The following ABTB3 variants were observed in gnomAD, a reference collection of about 807,000 sequenced individuals.
ABTB3 encodes the protein ankyrin repeat- and BTB/POZ domain-containing protein 3.
At chr12:107,494,470 GC>G in the ABTB3 span, among the ~76,000 whole-genome samples, 35 of 152,276 alleles carry the variant, frequency 2.3e-4, no homozygotes, top group African/African-American at 8.4e-4. Context: ...AAAGGCCAGG[GC>G]TGTTTTGCAC....
chr12:107,508,444 T>TTTTTTTTTTTTTTTTG, the ABTB3 span, among the ~76,000 whole-genome samples: 1 of 76,884 alleles, frequency 1.3e-5, no homozygotes, highest in African/African-American at 5.7e-5. Flanking sequence ...ATTTCTTTTT[T>TTTTTTTTTTTTTTTTG]TTTTTTTTTT....
chr12:107,465,737 C>T, the ABTB3 span, among the ~76,000 whole-genome samples: 4 of 152,176 alleles, frequency 2.6e-5, no homozygotes, highest in African/African-American at 4.8e-5. Flanking sequence ...ACCTCAGGGG[C>T]CTGGCTCATC....
chr12:107,608,893 TAAATAAAATA>T, the ABTB3 span, among the ~76,000 whole-genome samples: 189 of 84,260 alleles, frequency 2.2e-3, 2 homozygotes, highest in East Asian at 5.3e-3. Flanking sequence ...TAAAATAAAA[TAAATAAAATA>T]AAATAAAATA....
At chr12:107,473,115 C>A in the ABTB3 span, among the ~76,000 whole-genome samples, 1 of 152,156 alleles carries the variant, frequency 6.6e-6, no homozygotes, top group Admixed American at 6.5e-5. Flanking sequence ...GCACCTTTTT[C>A]TCTTTTCATT....
chr12:107,413,570 C>T, the ABTB3 span, among the ~76,000 whole-genome samples: 1 of 152,074 alleles, frequency 6.6e-6, no homozygotes, highest in African/African-American at 2.4e-5. Context: ...TAACATTGTT[C>T]TGTAGAACAC....
At chr12:107,652,181 T>C in the ABTB3 span, among the ~76,000 whole-genome samples, 1 of 152,186 alleles carries the variant, frequency 6.6e-6, no homozygotes, top group Non-Finnish European at 1.5e-5. Flanking sequence ...GGCTGTCCAA[T>C]CCAGCAACAT....
chr12:107,496,711 C>A, the ABTB3 span, among the ~76,000 whole-genome samples: 2 of 152,202 alleles, frequency 1.3e-5, no homozygotes, highest in Admixed American at 1.3e-4. Context: ...CCAACTCATA[C>A]AATCCTCACC....
At chr12:107,511,379 T>C in the ABTB3 span, among the ~76,000 whole-genome samples, 2 of 152,222 alleles carry the variant, frequency 1.3e-5, no homozygotes, top group Admixed American at 6.5e-5. Flanking sequence ...TGCTCAGTGC[T>C]CTGTAGGTCA....
chr12:107,498,434 A>G, the ABTB3 span, among the ~76,000 whole-genome samples: 1 of 152,300 alleles, frequency 6.6e-6, no homozygotes, highest in South Asian at 2.1e-4. Context: ...CTACTGCTAG[A>G]ACTCACTACT....
At chr12:107,468,798 A>AGCAG in the ABTB3 span, among the ~76,000 whole-genome samples, 1 of 152,160 alleles carries the variant, frequency 6.6e-6, no homozygotes, top group Non-Finnish European at 1.5e-5. Context: ...AAAAAAATGG[A>AGCAG]GCAGGATATA....
At chr12:107,415,733 CA>C in the ABTB3 span, among the ~76,000 whole-genome samples, 2 of 149,062 alleles carry the variant, frequency 1.3e-5, no homozygotes, top group Admixed American at 6.7e-5. Context: ...AACAAAAAAA[CA>C]AAAAAACAAA....
the ABTB3 span, among the ~76,000 whole-genome samples, chr12:107,448,546 C>T: frequency 6.6e-6 from 1 of 152,168 alleles, no homozygotes; most frequent in Non-Finnish European, 1.5e-5. Context: ...CTAAACCAAG[C>T]CCAAGGCATG....
chr12:107,622,018 A>C, the ABTB3 span, among the ~76,000 whole-genome samples: 2 of 152,040 alleles, frequency 1.3e-5, no homozygotes, highest in African/African-American at 4.8e-5. Context: ...AGGTGGGAGG[A>C]TTGCTTGAGC....
At chr12:107,377,921 A>G in the ABTB3 span, among the ~76,000 whole-genome samples, 2 of 152,234 alleles carry the variant, frequency 1.3e-5, no homozygotes, top group Non-Finnish European at 2.9e-5. Context: ...TAGTTTCCAG[A>G]AGGACCACAA....
chr12:107,512,771 A>G, the ABTB3 span, among the ~76,000 whole-genome samples: 1 of 152,242 alleles, frequency 6.6e-6, no homozygotes, highest in African/African-American at 2.4e-5. Context: ...TGCATTCCCT[A>G]TAAAGTAGAG....
At chr12:107,364,275 C>CATTTCTT in the ABTB3 span, among the ~76,000 whole-genome samples, 3 of 151,866 alleles carry the variant, frequency 2.0e-5, no homozygotes, top group Non-Finnish European at 4.4e-5. Context: ...CTCTCAAATA[C>CATTTCTT]TTTTCTTTTT....
At chr12:107,582,175 T>A in the ABTB3 span, among the ~76,000 whole-genome samples, 1 of 152,148 alleles carries the variant, frequency 6.6e-6, no homozygotes, top group Non-Finnish European at 1.5e-5. Flanking sequence ...CCCAGAGCTG[T>A]CCCTCAGCCC....
At chr12:107,353,257 T>A in the ABTB3 span, among the ~76,000 whole-genome samples, 924 of 151,966 alleles carry the variant, frequency 6.1e-3, 7 homozygotes, top group African/African-American at 0.021. Flanking sequence ...CCCAGCATGG[T>A]GGGGGGGAGA....
the ABTB3 span, among the ~76,000 whole-genome samples, chr12:107,622,482 C>CTT: frequency 4.0e-5 from 6 of 150,584 alleles, no homozygotes; most frequent in African/African-American, 1.5e-4. Flanking sequence ...AAACAAGTAT[C>CTT]TTTTTTTTTT....
Sources: gnomAD v4.1 joint callset for allele counts (sites outside exome capture counted in the v4.1 genomes callset) on GRCh38, gnomAD v4.1.1 for gene constraint, MANE v1.5 for transcripts, NCBI Gene and HGNC (gene_info 2026-07-23, HGNC 2026-07-21) for gene names.